Variants in NBEA observed in about 807,000 individuals in gnomAD.
NBEA encodes the protein neurobeachin, also known as lysosomal-trafficking regulator 2.
A neutral mutation model predicts 343.4 loss-of-function variants in NBEA; 44 were observed. That is an observed-to-expected ratio of 0.13 (90% CI 0.10 to 0.16). The LOEUF (loss-of-function observed/expected upper bound fraction) is 0.16, where lower values mean the gene tolerates loss of function less well. Among genes scored for constraint, NBEA ranks in the 10% least tolerant of loss-of-function variants. The probability of loss-of-function intolerance (pLI) is 1.00; values close to 1 mark genes in which losing one functional copy is unlikely to be tolerated. For missense variants in NBEA, 2,555 were observed against 3,631.3 expected, an observed-to-expected ratio of 0.70 and a Z score of 7.62; for synonymous variants, 1,175 against 1,238.7, an observed-to-expected ratio of 0.95 and a Z score of 1.08.
chr13:35,648,300 A>G (rs1228404579), intron 51 of NBEA, among the ~76,000 whole-genome samples: 5 of 150,558 alleles, frequency 3.3e-5, no homozygotes, highest in Admixed American at 6.7e-5. Context: ...CTGTGTAACT[A>G]AACAGAAAGG....
intron 38 of NBEA, among the ~76,000 whole-genome samples, chr13:35,406,550 T>C (rs1353183085): frequency 6.6e-6 from 1 of 152,136 alleles, no homozygotes; most frequent in Non-Finnish European, 1.5e-5. Flanking sequence ...TGAGAACATA[T>C]GAGGTTTGGT....
chr13:35,600,315 G>A (rs2081991123), intron 47 of NBEA, among the ~76,000 whole-genome samples: 2 of 152,156 alleles, frequency 1.3e-5, no homozygotes, highest in Admixed American at 6.6e-5. Context: ...TGTCCCACAC[G>A]CACGTCTCTC....
chr13:35,404,130 TA>T (rs1031305154), intron 38 of NBEA, among the ~76,000 whole-genome samples: 1 of 152,004 alleles, frequency 6.6e-6, no homozygotes, highest in African/African-American at 2.4e-5. Context: ...TGTGGAGAAA[TA>T]GGAACACTTT....
chr13:35,054,451 A>G (rs1696434457), intron 6 of NBEA, among the ~76,000 whole-genome samples: 1 of 152,056 alleles, frequency 6.6e-6, no homozygotes, highest in Non-Finnish European at 1.5e-5. Flanking sequence ...TGTTGGTTTC[A>G]AATCAAGTGA....
chr13:35,180,448 A>G (rs2071234388), intron 28 of NBEA, among the ~76,000 whole-genome samples: 1 of 151,588 alleles, frequency 6.6e-6, no homozygotes, highest in African/African-American at 2.4e-5. Flanking sequence ...ATATTTTTGG[A>G]AAGCATACTT....
At chr13:35,086,623 A>T (rs528602281) in intron 10 of NBEA, among the ~76,000 whole-genome samples, 104 of 152,070 alleles carry the variant, frequency 6.8e-4, no homozygotes, top group African/African-American at 2.3e-3. Flanking sequence ...TAAACATGTG[A>T]GTGCGTGTAT....
chr13:35,007,824 G>A (rs1291870852), intron 1 of NBEA, among the ~76,000 whole-genome samples: 2 of 152,044 alleles, frequency 1.3e-5, no homozygotes, highest in Non-Finnish European at 2.9e-5. Flanking sequence ...AGTAATTATT[G>A]TTTTATGTTC....
At chr13:35,629,385 A>C (rs2083360549) in intron 49 of NBEA, among the ~76,000 whole-genome samples, 1 of 152,200 alleles carries the variant, frequency 6.6e-6, no homozygotes, top group African/African-American at 2.4e-5. Context: ...TCATAAGTTT[A>C]TTTCTTATAT....
At chr13:35,190,864 G>A (rs1241424743) in intron 30 of NBEA, among the ~76,000 whole-genome samples, 1 of 152,076 alleles carries the variant, frequency 6.6e-6, no homozygotes, top group East Asian at 1.9e-4. Flanking sequence ...ATATGCTCAA[G>A]TAATTACAGG....
At chr13:35,527,884 C>A (rs1008237293) in intron 41 of NBEA, among the ~76,000 whole-genome samples, 9 of 152,206 alleles carry the variant, frequency 5.9e-5, no homozygotes, top group African/African-American at 1.9e-4. Context: ...CGGAGGCTTC[C>A]CAGCAGCTGT....
chr13:35,100,941 G>A (rs2065615754), intron 11 of NBEA, among the ~76,000 whole-genome samples: 1 of 151,800 alleles, frequency 6.6e-6, no homozygotes, highest in Non-Finnish European at 1.5e-5. Flanking sequence ...TTTCACATAA[G>A]TGAGATCATA....
intron 1 of NBEA, among the ~76,000 whole-genome samples, chr13:34,999,564 G>T (rs1011808725): frequency 1.3e-5 from 2 of 151,898 alleles, no homozygotes; most frequent in African/African-American, 4.8e-5. Flanking sequence ...TACCTGCTTT[G>T]CCATGATTGT....
chr13:35,080,308 G>T (rs1457511257), intron 10 of NBEA, among the ~76,000 whole-genome samples: 1 of 152,052 alleles, frequency 6.6e-6, no homozygotes, highest in Non-Finnish European at 1.5e-5. Flanking sequence ...GCCTATTAAT[G>T]CATCCAGCAT....
chr13:35,374,021 G>A (rs991687805), intron 38 of NBEA, among the ~76,000 whole-genome samples: 1 of 152,150 alleles, frequency 6.6e-6, no homozygotes, highest in African/African-American at 2.4e-5. Context: ...TGAATAACTT[G>A]CTGCAGCTTC....
intron 41 of NBEA, among the ~76,000 whole-genome samples, chr13:35,512,651 A>G (rs375636576): frequency 9.2e-5 from 14 of 152,184 alleles, no homozygotes; most frequent in African/African-American, 3.4e-4. Flanking sequence ...GTACATTGTG[A>G]TATTTCAGCT....
chr13:35,203,100 T>C (rs2073132402), intron 31 of NBEA, among the ~76,000 whole-genome samples: 1 of 152,188 alleles, frequency 6.6e-6, no homozygotes, highest in African/African-American at 2.4e-5. Context: ...CTCCTAAGAC[T>C]ATCTGTGACA....
At chr13:35,518,590 C>T (rs1302081264) in intron 41 of NBEA, among the ~76,000 whole-genome samples, 2 of 152,160 alleles carry the variant, frequency 1.3e-5, no homozygotes, top group Non-Finnish European at 2.9e-5. Context: ...GAACATTAGT[C>T]ATAATTATGC....
intron 33 of NBEA, among the ~76,000 whole-genome samples, chr13:35,223,148 A>G (rs1056202487): frequency 4.6e-5 from 7 of 151,944 alleles, no homozygotes; most frequent in Non-Finnish European, 7.3e-5. Flanking sequence ...GAAAAAGAAA[A>G]TAAACAGTAC....
intron 20 of NBEA, 108 bp downstream of exon 20, chr13:35,156,314 A>G: frequency 2.6e-6 from 3 of 1,156,674 alleles, no homozygotes; most frequent in Non-Finnish European, 2.3e-6. Context: ...AATACTTTTA[A>G]TCATCAGAAA....
Sources: gnomAD v4.1 joint callset for allele counts (sites outside exome capture counted in the v4.1 genomes callset) on GRCh38, gnomAD v4.1.1 for gene constraint, MANE v1.5 for transcripts, NCBI Gene and HGNC (gene_info 2026-07-23, HGNC 2026-07-21) for gene names.